Variants in PLXNA4 observed in about 807,000 individuals in gnomAD.
PLXNA4 encodes plexin-A4.
In PLXNA4, 44 loss-of-function variants were observed where a neutral mutation model predicts 191.8. The ratio of observed to expected loss-of-function variants is 0.23; its 90% CI spans 0.18 to 0.29. The LOEUF (loss-of-function observed/expected upper bound fraction) is 0.29. PLXNA4 is among the 10% of genes least tolerant of loss of function. PLXNA4 has a pLI of 1.00. For missense variants in PLXNA4, 1,800 were observed against 2,488.8 expected (o/e 0.72, Z 5.89); for synonymous variants, 1,082 against 1,009.5 (o/e 1.07, Z -1.36).
chr7:132,495,713 C>T (rs1797985051), intron 2 of PLXNA4, among the ~76,000 whole-genome samples: 1 of 152,156 alleles, frequency 6.6e-6, no homozygotes, highest in South Asian at 2.1e-4. Context: ...TGGGAAGTCC[C>T]CACTCCTGTC....
At chr7:132,159,896 T>A (rs898079179) in intron 24 of PLXNA4, among the ~76,000 whole-genome samples, 1 of 152,210 alleles carries the variant, frequency 6.6e-6, no homozygotes, top group African/African-American at 2.4e-5. Context: ...ACAAACTTCA[T>A]TAAAATCCTG....
chr7:132,152,384 C>T (rs117315266), intron 25 of PLXNA4, among the ~76,000 whole-genome samples: 83 of 152,312 alleles, frequency 5.4e-4, no homozygotes, highest in Non-Finnish European at 1.1e-3. Context: ...ACGGTGTGCA[C>T]GACTGGCTGA....
At chr7:132,447,184 GAGCCCAGA>G (rs541896648) in intron 3 of PLXNA4, among the ~76,000 whole-genome samples, 1 of 152,214 alleles carries the variant, frequency 6.6e-6, no homozygotes, top group Non-Finnish European at 1.5e-5. Context: ...GCTCCCACTA[GAGCCCAGA>G]ATGGAATAGC....
chr7:132,320,912 C>T (rs1802135037), intron 3 of PLXNA4, among the ~76,000 whole-genome samples: 1 of 152,170 alleles, frequency 6.6e-6, no homozygotes, highest in Non-Finnish European at 1.5e-5. Context: ...AGAATGACTG[C>T]TCCCGCGGCA....
intron 1 of PLXNA4, among the ~76,000 whole-genome samples, chr7:132,533,212 C>T (rs1799694438): frequency 6.6e-6 from 1 of 152,144 alleles, no homozygotes. Context: ...CAGTTGCATG[C>T]ACAGTACTCA....
intron 3 of PLXNA4, among the ~76,000 whole-genome samples, chr7:132,320,565 C>G (rs1479859050): frequency 1.3e-5 from 2 of 152,208 alleles, no homozygotes; most frequent in Non-Finnish European, 2.9e-5. Context: ...CAACACCCCA[C>G]GAACCAAAGA....
At chr7:132,507,174 C>T (rs1173683753) in intron 2 of PLXNA4, among the ~76,000 whole-genome samples, 6 of 152,254 alleles carry the variant, frequency 3.9e-5, no homozygotes, top group Admixed American at 6.5e-5. Flanking sequence ...GATCTAGACT[C>T]CAGCCATGCC....
At chr7:132,483,696 CAT>C (rs1032922666) in intron 3 of PLXNA4, among the ~76,000 whole-genome samples, 17 of 152,244 alleles carry the variant, frequency 1.1e-4, no homozygotes, top group African/African-American at 4.1e-4. Flanking sequence ...TATATACACA[CAT>C]ATGATTCAAA....
chr7:132,178,771 ACACAG>A (rs1796572158), intron 20 of PLXNA4, among the ~76,000 whole-genome samples: 1 of 133,728 alleles, frequency 7.5e-6, no homozygotes, highest in African/African-American at 3.2e-5. Flanking sequence ...ACACACACAC[ACACAG>A]CCTCCAGCAC....
intron 20 of PLXNA4, among the ~76,000 whole-genome samples, chr7:132,177,132 C>G (rs1268681245): frequency 6.7e-6 from 1 of 149,734 alleles, no homozygotes; most frequent in African/African-American, 2.5e-5. Context: ...AGTGTGTGAG[C>G]ATGTCACTAT....
chr7:132,175,698 G>A (rs776566991), intron 20 of PLXNA4, among the ~76,000 whole-genome samples: 31 of 152,164 alleles, frequency 2.0e-4, no homozygotes, highest in Admixed American at 1.0e-3. Context: ...ACCATATTCC[G>A]TTCTGGAAAC....
At chr7:132,637,881 G>A (rs948098700) in intron 2 of PLXNA4, among the ~76,000 whole-genome samples, 15 of 152,152 alleles carry the variant, frequency 9.9e-5, no homozygotes, top group African/African-American at 2.2e-4. Flanking sequence ...AAGCTTGTAC[G>A]TTGGCTCAGT....
intron 3 of PLXNA4, among the ~76,000 whole-genome samples, chr7:132,333,093 G>A (rs531310490): frequency 6.6e-6 from 1 of 152,148 alleles, no homozygotes. Context: ...AAAGTCACTG[G>A]GTGAGATGCA....
Position 132,124,444 on chromosome 7 carries a change from C to G in PLXNA4, c.*6035G>C, listed in dbSNP as rs1794715666. The stretch of plus-strand genomic sequence containing the variant: ...TTTCTTAAGCGTCCTTTGGGTTGCT[C>G]TTTAACTGTATCCTCTGTTTTAAAT... On this transcript the variant is annotated 3_prime_UTR_variant, in exon 32 of 32. Coordinates refer to ENST00000321063, the MANE Select transcript of PLXNA4 (RefSeq NM_020911.2). The G allele has an allele frequency of 6.6e-6, 1 of 152,212 alleles. No homozygotes were observed. Among genetic ancestry groups the G allele is most frequent in the Non-Finnish European group, 1.5e-5 (1 of 68,034 alleles). 9.4% of individuals were successfully genotyped at this position (152,212 alleles called of 1,614,324 possible).
At chr7:132,600,450 A>G (rs937963577) in intron 2 of PLXNA4, among the ~76,000 whole-genome samples, 5 of 152,190 alleles carry the variant, frequency 3.3e-5, no homozygotes, top group Non-Finnish European at 5.9e-5. Flanking sequence ...TGCTGCCTCA[A>G]TCTCTTGGGC....
chr7:132,345,746 AC>A (rs1803220357), intron 3 of PLXNA4, among the ~76,000 whole-genome samples: 1 of 152,208 alleles, frequency 6.6e-6, no homozygotes, highest in African/African-American at 2.4e-5. Context: ...CACTGGCAGA[AC>A]AGTCCCAGCC....
intron 9 of PLXNA4, among the ~76,000 whole-genome samples, chr7:132,217,186 A>G (rs1002876058): frequency 7.2e-5 from 11 of 152,260 alleles, no homozygotes; most frequent in Non-Finnish European, 1.3e-4. Context: ...CGCACTGCTA[A>G]TTGCAGAGGG....
intron 3 of PLXNA4, among the ~76,000 whole-genome samples, chr7:132,414,324 G>C (rs1465106590): frequency 6.6e-6 from 1 of 152,186 alleles, no homozygotes; most frequent in Non-Finnish European, 1.5e-5. Flanking sequence ...TAATGGTTTG[G>C]TTTATTGGAA....
chr7:132,637,754 C>T (rs755795629), intron 2 of PLXNA4, among the ~76,000 whole-genome samples: 4 of 152,206 alleles, frequency 2.6e-5, no homozygotes, highest in East Asian at 1.9e-4. Flanking sequence ...CCCAAAACCT[C>T]AGGTGGGAGG....
Sources: gnomAD v4.1 joint callset for allele counts (sites outside exome capture counted in the v4.1 genomes callset) on GRCh38, gnomAD v4.1.1 for gene constraint, MANE v1.5 for transcripts, NCBI Gene and HGNC (gene_info 2026-07-23, HGNC 2026-07-21) for gene names.